Variants in PRKN observed in about 807,000 individuals in gnomAD.
The protein encoded by PRKN is E3 ubiquitin-protein ligase parkin.
A neutral mutation model predicts 59.5 loss-of-function variants in PRKN; 56 were observed. That is an observed-to-expected ratio of 0.94 (90% CI 0.76 to 1.18). The LOEUF (loss-of-function observed/expected upper bound fraction) is 1.18, where lower values mean the gene tolerates loss of function less well. PRKN is among the 50% of genes most tolerant of loss of function. The probability of loss-of-function intolerance (pLI) is 0.00; values close to 1 mark genes in which losing one functional copy is unlikely to be tolerated. For missense variants in PRKN, 657 were observed against 596.4 expected, an observed-to-expected ratio of 1.10 and a Z score of -1.06; for synonymous variants, 250 against 222.1, an observed-to-expected ratio of 1.13 and a Z score of -1.12.
chr6:162,634,524 A>G (rs994120645), intron 1 of PRKN, among the ~76,000 whole-genome samples: 1 of 152,168 alleles, frequency 6.6e-6, no homozygotes, highest in African/African-American at 2.4e-5. Flanking sequence ...CTCCAGCATG[A>G]ATGCACACTT....
At chr6:161,849,695 G>C (rs565591460) in intron 6 of PRKN, among the ~76,000 whole-genome samples, 33 of 152,246 alleles carry the variant, frequency 2.2e-4, no homozygotes, top group African/African-American at 7.5e-4. Flanking sequence ...GCTGTATTTT[G>C]TCTTTAACAG....
intron 2 of PRKN, among the ~76,000 whole-genome samples, chr6:162,295,198 G>A (rs1048439186): frequency 3.9e-5 from 6 of 152,136 alleles, no homozygotes; most frequent in Non-Finnish European, 8.8e-5. Context: ...CTGGTCGCTC[G>A]GTACCCATAT....
In PRKN at chr6:161,593,855, G is replaced by T. The variant is rs1299895228; in HGVS notation, c.872-24439C>A. ...AGGGGTCAAATAGGTGGAGGTGATA[G>T]AATTGACTGCTGGAGGCCGGGCGCA... is the stretch of plus-strand genomic sequence containing the variant. On this transcript the variant is annotated intron_variant, in intron 7 of 11. Transcript: ENST00000366898. This position sits in a 1 kb window ranked among gnomAD's most constrained non-coding sequence, Gnocchi z 4.8. Among the ~76,000 whole-genome samples the T allele has an allele frequency of 2.0e-5, 3 of 152,168 alleles. No homozygotes were observed. The highest frequency in any genetic ancestry group is 7.2e-5 in the African/African-American group (3 of 41,556).
At position 162,424,478 on chromosome 6, in the gene PRKN, G is replaced by A. The variant is rs142325028; in HGVS notation, c.171+18832C>T. Among the ~76,000 whole-genome samples, 415 of 152,252 alleles carry A rather than the reference G, an allele frequency of 2.7e-3. 6 individuals carry two copies. Among genetic ancestry groups the A allele is most frequent in the South Asian group, 0.024 (118 of 4,828 alleles). On this transcript the variant is annotated intron_variant, in intron 2 of 11. Coordinates refer to ENST00000366898, the MANE Select transcript of PRKN (RefSeq NM_004562.3). ...GTGCCGGGCGTGGTGGCTCACGCTT[G>A]TAATCCCAGCACTTTGGGAGGCCGA...
chr6:161,771,650 C>T (rs796769567), intron 7 of PRKN, among the ~76,000 whole-genome samples: 12 of 152,152 alleles, frequency 7.9e-5, no homozygotes, highest in African/African-American at 2.9e-4. Flanking sequence ...TCCAAACACT[C>T]GAGTAGAATC....
chr6:162,544,966 C>T (rs548742059), intron 1 of PRKN, among the ~76,000 whole-genome samples: 10 of 150,176 alleles, frequency 6.7e-5, no homozygotes, highest in East Asian at 2.0e-4. Context: ...TGTGAGCCAC[C>T]GCGCCCGGCC....
rs946347022 is a variant in PRKN at position 161,417,578 on chromosome 6, G to A, written c.1084-30701C>T. Among the ~76,000 whole-genome samples, 1 of 152,032 alleles carries A rather than the reference G, an allele frequency of 6.6e-6. No homozygotes were observed. The highest frequency in any genetic ancestry group is 2.4e-5 in the African/African-American group (1 of 41,388). On this transcript the variant is annotated intron_variant, in intron 9 of 11. Coordinates refer to ENST00000366898, the MANE Select transcript of PRKN (RefSeq NM_004562.3). This position sits in a 1 kb window ranked among gnomAD's most constrained non-coding sequence, Gnocchi z 5.4. ...CCATAACTCTGAGAATGGGGTTTGTGTCTTAGAAAAGAAAAAACTCACGGG... is the reference window on the plus strand; with the variant it reads ...CCATAACTCTGAGAATGGGGTTTGTATCTTAGAAAAGAAAAAACTCACGGG...
At chr6:162,394,207 A>G (rs771499756) in intron 2 of PRKN, among the ~76,000 whole-genome samples, 2 of 152,190 alleles carry the variant, frequency 1.3e-5, no homozygotes, top group Non-Finnish European at 2.9e-5. Context: ...TTAGGACTAT[A>G]AACATTAGGT....
At chr6:162,716,704 G>A (rs1048430870) in intron 1 of PRKN, among the ~76,000 whole-genome samples, 47 of 134,644 alleles carry the variant, frequency 3.5e-4, no homozygotes, top group African/African-American at 1.2e-3. Context: ...ACCTTGAAAA[G>A]TGAGTTATGT....
intron 4 of PRKN, among the ~76,000 whole-genome samples, chr6:162,111,438 C>G (rs1780432998): frequency 2.0e-5 from 3 of 151,738 alleles, no homozygotes; most frequent in Non-Finnish European, 4.4e-5. Context: ...GTGCTCCAGC[C>G]TGGGCAACAG....
chr6:162,569,641 C>T (rs773444004), intron 1 of PRKN: 81 of 698,520 alleles, frequency 1.2e-4, no homozygotes, highest in Non-Finnish European at 2.0e-4. Flanking sequence ...TCAGCTGCAC[C>T]AGCTCCACCA....
chr6:162,096,540 T>C (rs555631466), intron 4 of PRKN, among the ~76,000 whole-genome samples: 2 of 152,272 alleles, frequency 1.3e-5, no homozygotes, highest in Admixed American at 6.5e-5. Flanking sequence ...AATTCCCACA[T>C]GTTGTGGGAG....
chr6:161,558,965 A>G lies in PRKN; in HGVS notation c.934-9962T>C, dbSNP rs1384420830. Among the ~76,000 whole-genome samples, 4 of 151,560 alleles carry G rather than the reference A, an allele frequency of 2.6e-5. No homozygotes were observed. In the South Asian group the frequency reaches 6.3e-4, roughly 24 times the overall value. On this transcript the variant is annotated intron_variant, in intron 8 of 11. Coordinates refer to ENST00000366898, the MANE Select transcript of PRKN (RefSeq NM_004562.3). ...TACTGATGAAGTGAATTGGCTAGAG[A>G]AAGGGCTGGACCTTGTTAATTGCAT...
At chr6:162,114,675 G>T (rs1780590081) in intron 4 of PRKN, among the ~76,000 whole-genome samples, 1 of 148,884 alleles carries the variant, frequency 6.7e-6, no homozygotes, top group South Asian at 2.1e-4. Context: ...CTATCAAAAA[G>T]TGGGCGAAGG....
chr6:161,748,216 A>C (rs1006401091), intron 7 of PRKN, among the ~76,000 whole-genome samples: 1 of 152,224 alleles, frequency 6.6e-6, no homozygotes, highest in Non-Finnish European at 1.5e-5. Context: ...AATGAAAGAA[A>C]TATTATACAT....
intron 1 of PRKN, among the ~76,000 whole-genome samples, chr6:162,556,342 G>GGGGTGT (rs1175202893): frequency 0.068 from 3,862 of 57,072 alleles, 238 homozygotes; most frequent in Non-Finnish European, 0.086. Flanking sequence ...CTACTCAGCT[G>GGGGTGT]GTGTGTGTGT....
chr6:162,700,405 T>C (rs983128421), intron 1 of PRKN, among the ~76,000 whole-genome samples: 2 of 152,170 alleles, frequency 1.3e-5, no homozygotes, highest in African/African-American at 4.8e-5. Flanking sequence ...ATCCCTCTTG[T>C]GCCCACTGTT....
intron 7 of PRKN, among the ~76,000 whole-genome samples, chr6:161,631,343 G>A (rs1469021180): frequency 1.3e-5 from 2 of 152,168 alleles, no homozygotes; most frequent in South Asian, 2.1e-4. Context: ...TACAAGACCC[G>A]AAATACACTA....
intron 6 of PRKN, among the ~76,000 whole-genome samples, chr6:161,966,767 C>G: frequency 6.6e-6 from 1 of 152,220 alleles, no homozygotes; most frequent in East Asian, 1.9e-4. Context: ...TCACAAAAAA[C>G]CTCAGGACAT....
Sources: allele counts gnomAD v4.1 joint callset (sites outside exome capture counted in the v4.1 genomes callset), GRCh38; gene constraint gnomAD v4.1.1; non-coding constraint Gnocchi (gnomAD v3.1); transcripts MANE v1.5; gene names NCBI Gene and HGNC (gene_info 2026-07-23, HGNC 2026-07-21).